The following CNTNAP3B variants were observed in gnomAD, a reference collection of about 807,000 sequenced individuals.
CNTNAP3B encodes the protein contactin associated protein family member 3B, also known as contactin-associated protein-like 3B.
Under a neutral mutation model 108.9 loss-of-function variants are expected in CNTNAP3B, and 25 were observed. The observed-to-expected ratio is 0.23, with a 90% CI of 0.17 to 0.32. The LOEUF (loss-of-function observed/expected upper bound fraction) is 0.32, where lower values mean the gene tolerates loss of function less well. Among genes scored for constraint, CNTNAP3B ranks in the 10% least tolerant of loss-of-function variants. CNTNAP3B has a pLI of 1.00. For missense variants in CNTNAP3B, 252 were observed against 1,210.4 expected (o/e 0.21, Z 11.75); for synonymous variants, 103 against 473.4 (o/e 0.22, Z 10.16).
chr9:41,947,196 G>A (rs1240459364), intron 13 of CNTNAP3B, among the ~76,000 whole-genome samples: 1 of 149,984 alleles, frequency 6.7e-6, no homozygotes, highest in Non-Finnish European at 1.5e-5. Flanking sequence ...CTCCACTTAA[G>A]AATAGCAGAA....
chr9:42,103,560 A>T (rs1370618875), intron 2 of CNTNAP3B, among the ~76,000 whole-genome samples: 1 of 42,174 alleles, frequency 2.4e-5, no homozygotes, highest in Non-Finnish European at 5.1e-5. Context: ...CGTCCCTGCT[A>T]AAAAAAAAAA....
rs981911546 is a variant in CNTNAP3B at position 42,129,332 on chromosome 9, T to G, written c.-238A>C. 4.7e-6 allele frequency: 2 copies of G among 429,192 alleles called. No individual in the cohort carries two copies. The highest frequency in any genetic ancestry group is 3.2e-6 in the Non-Finnish European group (1 of 308,526). The allele number at this position is 429,192 out of a possible 1,614,324, so 26.6% of individuals were successfully genotyped here. ...CTCCGAGGTCGGCCCCGCGGGAGCCTGGGGGCCGCGCGGCGCCGCCCCAGG... is the reference window on the plus strand; with the variant it reads ...CTCCGAGGTCGGCCCCGCGGGAGCCGGGGGGCCGCGCGGCGCCGCCCCAGG... On this transcript the variant is annotated 5_prime_UTR_variant, in exon 1 of 24. Transcript: ENST00000377561.
At chr9:42,058,795 AAT>A (rs1370587212) in intron 3 of CNTNAP3B, among the ~76,000 whole-genome samples, 25 of 56,626 alleles carry the variant, frequency 4.4e-4, no homozygotes, top group African/African-American at 2.1e-3. Flanking sequence ...TTCCTAGACC[AAT>A]ATCATGGAGC....
chr9:41,947,899 C>T (rs1054137010), intron 13 of CNTNAP3B, among the ~76,000 whole-genome samples: 1 of 152,114 alleles, frequency 6.6e-6, no homozygotes, highest in Non-Finnish European at 1.5e-5. Flanking sequence ...TAATTCTACA[C>T]AAATCAACTT....
In CNTNAP3B at chr9:42,129,321, C is replaced by G. The variant is rs1248841528; in HGVS notation, c.-227G>C. On this transcript the variant is annotated 5_prime_UTR_variant, in exon 1 of 24. Coordinates refer to ENST00000377561, the MANE Select transcript of CNTNAP3B (RefSeq NM_001201380.3). ...CCCAGCTGCGTCTCCGAGGTCGGCC[C>G]CGCGGGAGCCTGGGGGCCGCGCGGC... 4.7e-6 allele frequency: 2 copies of G among 421,670 alleles called. No individual in the cohort carries two copies. Among genetic ancestry groups the G allele is most frequent in the Non-Finnish European group, 3.2e-6 (1 of 310,716 alleles). 26.1% of individuals were successfully genotyped at this position (421,670 alleles called of 1,614,324 possible).
rs780785918 is a variant in CNTNAP3B, at chr9:42,126,567, C to CT, written c.85+2442dup. Among the ~76,000 whole-genome samples the CT allele has an allele frequency of 7.4e-3, 940 of 127,586 alleles. 131 individuals carry two copies. Among genetic ancestry groups the CT allele is most frequent in the Admixed American group, 0.012 (156 of 12,786 alleles). 83.7% of individuals were successfully genotyped at this position (127,586 alleles called of 152,430 possible). ...CCCAAAATGCCAAATGTTTAGAGAG[C>CT]TTTTTTTTTTTTGAGACGGAGTTTT... On this transcript the variant is annotated intron_variant, in intron 1 of 23. Coordinates refer to ENST00000377561, the MANE Select transcript of CNTNAP3B (RefSeq NM_001201380.3).
chr9:42,076,784 C>G (rs1256728012), intron 3 of CNTNAP3B, 85 bp downstream of exon 3: 3 of 986,524 alleles, frequency 3.0e-6, no homozygotes, highest in Non-Finnish European at 4.4e-6. Flanking sequence ...TCACTTAGAA[C>G]ATTTTTTTCA....
At chr9:42,079,592 G>A (rs1040180476) in intron 2 of CNTNAP3B, among the ~76,000 whole-genome samples, 2 of 132,126 alleles carry the variant, frequency 1.5e-5, no homozygotes, top group African/African-American at 6.1e-5. Context: ...CGAGATCTCT[G>A]CTCACTGCAA....
At position 42,080,383 on chromosome 9, in the gene CNTNAP3B, G is replaced by C. The variant is rs1374805520; in HGVS notation, c.197-3321C>G. On this transcript the variant is annotated intron_variant, in intron 2 of 23. Transcript: ENST00000377561. ...CAAAGAATTTCATCAGGATGTTGTA[G>C]ACTCATGGTTACAATCTGCAATCCC... Among the ~76,000 whole-genome samples, 4 of 139,726 alleles carry C rather than the reference G, an allele frequency of 2.9e-5. 1 individual carries two copies. Among genetic ancestry groups the C allele is most frequent in the Non-Finnish European group, 6.1e-5 (4 of 65,082 alleles). 91.7% of individuals were successfully genotyped at this position (139,726 alleles called of 152,430 possible).
At chr9:42,075,740 T>A in intron 3 of CNTNAP3B, among the ~76,000 whole-genome samples, 1 of 127,840 alleles carries the variant, frequency 7.8e-6, no homozygotes. Flanking sequence ...ATCTCTTTTA[T>A]AGGGAAACTG....
intron 1 of CNTNAP3B, among the ~76,000 whole-genome samples, chr9:42,111,616 A>C (rs1479189975): frequency 7.2e-6 from 1 of 138,756 alleles, no homozygotes; most frequent in Non-Finnish European, 1.5e-5. Context: ...GGCTTCAATC[A>C]AGACACTTTG....
chr9:41,925,288 C>T lies in CNTNAP3B; in HGVS notation c.2366-1195G>A, dbSNP rs1189346658. ...CCTTCCACATTAATTGGTTGACATG[C>T]CTACGTTAGAAATAGCTTTTCTCGG... On this transcript the variant is annotated intron_variant, in intron 15 of 23. Coordinates refer to ENST00000377561, the MANE Select transcript of CNTNAP3B (RefSeq NM_001201380.3). 2.6e-5 allele frequency among the ~76,000 whole-genome samples: 4 copies of T among 151,300 alleles called. No homozygotes were observed. In the South Asian group the frequency reaches 6.3e-4, roughly 24 times the overall value.
At chr9:41,921,228 T>C (rs1823659142) in intron 17 of CNTNAP3B, among the ~76,000 whole-genome samples, 2 of 152,420 alleles carry the variant, frequency 1.3e-5, no homozygotes, top group South Asian at 4.1e-4. Flanking sequence ...TTTCTAGGCA[T>C]TCCCTTAAAT....
chr9:42,124,005 A>C (rs1477361914), intron 1 of CNTNAP3B, among the ~76,000 whole-genome samples: 1 of 131,484 alleles, frequency 7.6e-6, no homozygotes, highest in Non-Finnish European at 1.6e-5. Context: ...GATTATACTT[A>C]ATCAAAAGTA....
rs1443103275 is a variant in CNTNAP3B, at chr9:42,115,046, T to C, written c.86-10307A>G. On this transcript the variant is annotated intron_variant, in intron 1 of 23. Transcript: ENST00000377561. The stretch of plus-strand genomic sequence containing the variant: ...TCCAGCCTAGGTGACAGAGCAAGAC[T>C]CCATATCGGAAAAAAAAAAGAAATA... Among the ~76,000 whole-genome samples, 5 of 129,380 alleles carry C rather than the reference T, an allele frequency of 3.9e-5. 1 individual carries two copies. Among genetic ancestry groups the C allele is most frequent in the Non-Finnish European group, 8.0e-5 (5 of 62,146 alleles). 84.9% of individuals were successfully genotyped at this position (129,380 alleles called of 152,430 possible). A position where few individuals can be genotyped will look rare whatever the true frequency, so the allele number is the denominator to read the frequency against.
chr9:41,933,979 A>G (rs1398825745), intron 14 of CNTNAP3B, among the ~76,000 whole-genome samples: 1 of 137,278 alleles, frequency 7.3e-6, no homozygotes, highest in African/African-American at 2.9e-5. Context: ...TATGGCTGCT[A>G]TATCAAGTTT....
intron 3 of CNTNAP3B, among the ~76,000 whole-genome samples, chr9:42,075,836 CTTATTATTA>C (rs201491733): frequency 1.6e-4 from 10 of 63,758 alleles, no homozygotes; most frequent in African/African-American, 4.8e-4. Flanking sequence ...GTAATAAATA[CTTATTATTA>C]TTATTATTAT....
chr9:41,946,018 T>A (rs1288497398), intron 13 of CNTNAP3B, among the ~76,000 whole-genome samples: 2 of 152,200 alleles, frequency 1.3e-5, no homozygotes, highest in Non-Finnish European at 2.9e-5. Context: ...AATAAAGGGG[T>A]CAATATAACA....
chr9:41,979,667 A>ATATATAT (rs1554746617), intron 9 of CNTNAP3B: 1 of 31,382 alleles, frequency 3.2e-5, no homozygotes, highest in Admixed American at 4.9e-4. Context: ...ATATATATAT[A>ATATATAT]TTTTTTTTTT....
Sources: gnomAD v4.1 joint callset for allele counts (sites outside exome capture counted in the v4.1 genomes callset) on GRCh38, gnomAD v4.1.1 for gene constraint, MANE v1.5 for transcripts, NCBI Gene and HGNC (gene_info 2026-07-23, HGNC 2026-07-21) for gene names.